The following PCDH9 variants were observed in gnomAD, a reference collection of about 807,000 sequenced individuals.
PCDH9 encodes protocadherin-9.
A neutral mutation model predicts 70.6 loss-of-function variants in PCDH9; 24 were observed. The ratio of observed to expected loss-of-function variants is 0.34; its 90% CI spans 0.25 to 0.48. The LOEUF (loss-of-function observed/expected upper bound fraction) is 0.48, where lower values mean the gene tolerates loss of function less well. PCDH9 is among the 20% of genes least tolerant of loss of function. The pLI, the probability that PCDH9 is intolerant of heterozygous loss-of-function variation, is 0.99. For missense variants in PCDH9, 1,281 were observed against 1,503.6 expected (o/e 0.85, Z 2.45); for synonymous variants, 562 against 558.5 (o/e 1.01, Z -0.09).
intron 3 of PCDH9, among the ~76,000 whole-genome samples, chr13:66,888,106 A>T (rs1420991772): frequency 6.6e-6 from 1 of 152,208 alleles, no homozygotes; most frequent in Non-Finnish European, 1.5e-5. Context: ...ACTCACTTGC[A>T]TCTCAGTGAG....
At chr13:66,790,135 TG>T (rs2139316843) in intron 3 of PCDH9, among the ~76,000 whole-genome samples, 1 of 152,272 alleles carries the variant, frequency 6.6e-6, no homozygotes, top group African/African-American at 2.4e-5. Context: ...AAATTTTTTT[TG>T]GTTAATTAAG....
At chr13:67,084,609 G>A (rs1036489969) in intron 2 of PCDH9, among the ~76,000 whole-genome samples, 3 of 151,816 alleles carry the variant, frequency 2.0e-5, no homozygotes, top group Non-Finnish European at 2.9e-5. Context: ...CCTTTTTCCA[G>A]CTGCAAACCT....
intron 3 of PCDH9, among the ~76,000 whole-genome samples, chr13:66,767,269 A>G (rs1451027703): frequency 6.6e-6 from 1 of 151,078 alleles, no homozygotes; most frequent in Admixed American, 6.6e-5. Context: ...TATCTGGAGA[A>G]TGTAGATGTG....
At chr13:66,764,683 G>A (rs1158033636) in intron 3 of PCDH9, among the ~76,000 whole-genome samples, 1 of 151,898 alleles carries the variant, frequency 6.6e-6, no homozygotes, top group East Asian at 1.9e-4. Context: ...TCATGGGCAG[G>A]GCTCTTCAGC....
At chr13:67,083,763 C>T (rs2086036148) in intron 2 of PCDH9, among the ~76,000 whole-genome samples, 1 of 152,140 alleles carries the variant, frequency 6.6e-6, no homozygotes, top group Non-Finnish European at 1.5e-5. Context: ...GTTCTAGAAA[C>T]TGCCTTTATG....
chr13:66,994,134 T>G (rs1427054007), intron 2 of PCDH9, among the ~76,000 whole-genome samples: 2 of 152,198 alleles, frequency 1.3e-5, no homozygotes, highest in Non-Finnish European at 2.9e-5. Context: ...ACTAAAAGTC[T>G]GGCACAGAGC....
At chr13:66,368,302 G>A (rs1169880787) in intron 4 of PCDH9, among the ~76,000 whole-genome samples, 1 of 151,862 alleles carries the variant, frequency 6.6e-6, no homozygotes, top group Non-Finnish European at 1.5e-5. Context: ...CAGCCAAAAT[G>A]TGTTTCAGAA....
intron 2 of PCDH9, among the ~76,000 whole-genome samples, chr13:67,013,652 C>T (rs1195291313): frequency 6.6e-6 from 1 of 151,828 alleles, no homozygotes; most frequent in Non-Finnish European, 1.5e-5. Context: ...TGAGCCTGCT[C>T]ACTTATCATT....
intron 4 of PCDH9, among the ~76,000 whole-genome samples, chr13:66,345,682 C>T (rs1462569450): frequency 6.6e-6 from 1 of 152,094 alleles, no homozygotes; most frequent in East Asian, 1.9e-4. Flanking sequence ...TGATTTGGAC[C>T]TCGTTCACAG....
rs1167049172 is a variant in PCDH9 at position 67,230,228 on chromosome 13, T to G, written c.-584A>C. 6.6e-6 allele frequency: 1 copy of G among 152,278 alleles called. No homozygotes were observed. Among genetic ancestry groups the G allele is most frequent in the East Asian group, 1.9e-4 (1 of 5,176 alleles). The allele number at this position is 152,278 out of a possible 1,614,324, so 9.4% of individuals were successfully genotyped here. The stretch of plus-strand genomic sequence containing the variant: ...TGCCCGAAAAATTCCTAATCGGTTA[T>G]CTCTTGCGTGCTTCAGAGACTCTGA... On this transcript the variant is annotated 5_prime_UTR_variant, in exon 1 of 5. Coordinates refer to ENST00000377865, the MANE Select transcript of PCDH9 (RefSeq NM_203487.3).
intron 2 of PCDH9, among the ~76,000 whole-genome samples, chr13:67,052,593 T>C (rs1288063040): frequency 6.6e-6 from 1 of 151,764 alleles, no homozygotes; most frequent in Admixed American, 6.6e-5. Flanking sequence ...CATTAGAGCA[T>C]ATAAAAAGCC....
chr13:66,728,463 A>G (rs181399542), intron 3 of PCDH9, among the ~76,000 whole-genome samples: 44 of 152,218 alleles, frequency 2.9e-4, no homozygotes, highest in Middle Eastern at 6.8e-3. Context: ...GCTGACCATA[A>G]TTATTAGTTT....
chr13:66,327,076 T>A (rs1270351524), intron 4 of PCDH9, among the ~76,000 whole-genome samples: 2 of 152,180 alleles, frequency 1.3e-5, no homozygotes, highest in African/African-American at 4.8e-5. Flanking sequence ...AAGTTTAAAA[T>A]ACGCTTTTGT....
At chr13:66,620,223 T>C (rs993967825) in intron 4 of PCDH9, among the ~76,000 whole-genome samples, 1 of 152,136 alleles carries the variant, frequency 6.6e-6, no homozygotes, top group African/African-American at 2.4e-5. Context: ...TTCAAGTAAG[T>C]GACAATTCAT....
intron 3 of PCDH9, among the ~76,000 whole-genome samples, chr13:66,873,070 A>G (rs2081727093): frequency 6.6e-6 from 1 of 152,162 alleles, no homozygotes; most frequent in African/African-American, 2.4e-5. Context: ...AGTTACCTTT[A>G]AATATTATAA....
At chr13:67,012,315 G>T (rs1051420062) in intron 2 of PCDH9, among the ~76,000 whole-genome samples, 1 of 151,706 alleles carries the variant, frequency 6.6e-6, no homozygotes, top group Admixed American at 6.6e-5. Context: ...TAATGTGCAC[G>T]TGTGTGTATG....
chr13:67,035,481 C>T (rs935477583), intron 2 of PCDH9, among the ~76,000 whole-genome samples: 2 of 151,594 alleles, frequency 1.3e-5, no homozygotes, highest in African/African-American at 4.8e-5. Context: ...GTTTCTCTTA[C>T]TTTGTGAGTC....
intron 2 of PCDH9, among the ~76,000 whole-genome samples, chr13:67,043,087 A>G (rs2085154458): frequency 6.6e-6 from 1 of 152,204 alleles, no homozygotes; most frequent in Non-Finnish European, 1.5e-5. Context: ...AACCTAGGCA[A>G]TGTATACAAA....
intron 4 of PCDH9, among the ~76,000 whole-genome samples, chr13:66,628,739 C>A (rs1434347043): frequency 6.6e-6 from 1 of 152,154 alleles, no homozygotes; most frequent in Non-Finnish European, 1.5e-5. Context: ...TTCAGTAATG[C>A]ATTATTTCTT....
Sources: allele counts gnomAD v4.1 joint callset (sites outside exome capture counted in the v4.1 genomes callset), GRCh38; gene constraint gnomAD v4.1.1; transcripts MANE v1.5; gene names NCBI Gene and HGNC (gene_info 2026-07-23, HGNC 2026-07-21).